The following AGR3 variants were observed in gnomAD, a reference collection of about 807,000 sequenced individuals.
AGR3 encodes anterior gradient 3, protein disulphide isomerase family member.
Under a neutral mutation model 24.5 loss-of-function variants are expected in AGR3, and 37 were observed. That is an observed-to-expected ratio of 1.51 (90% CI 1.16 to 1.99). The LOEUF is 1.99. Among genes scored for constraint, AGR3 ranks in the 30% most tolerant of loss-of-function variants. The probability of loss-of-function intolerance (pLI) is 0.00; values close to 1 mark genes in which losing one functional copy is unlikely to be tolerated. For missense variants in AGR3, 228 were observed against 191.1 expected (o/e 1.19, Z -1.14); for synonymous variants, 75 against 61.6 (o/e 1.22, Z -1.02).
chr7:16,871,443 A>T (rs1040112261), intron 3 of AGR3, among the ~76,000 whole-genome samples: 26 of 152,210 alleles, frequency 1.7e-4, no homozygotes, highest in African/African-American at 6.3e-4. Flanking sequence ...GTTAAAATTA[A>T]CGGAGAGTGG....
intron 3 of AGR3, among the ~76,000 whole-genome samples, chr7:16,867,533 T>C (rs904083310): frequency 6.6e-6 from 1 of 152,208 alleles, no homozygotes; most frequent in Non-Finnish European, 1.5e-5. Flanking sequence ...TAAAATTTAC[T>C]GTCAGCAATT....
downstream of AGR3, among the ~76,000 whole-genome samples, chr7:16,855,292 T>C (rs1583830928): frequency 6.6e-6 from 1 of 152,194 alleles, no homozygotes; most frequent in African/African-American, 2.4e-5. Context: ...GACTTCAACC[T>C]ATAATTTTTT....
intron 2 of AGR3, among the ~76,000 whole-genome samples, chr7:16,878,268 A>G (rs759671909): frequency 2.4e-4 from 36 of 152,198 alleles, no homozygotes; most frequent in Non-Finnish European, 4.3e-4. Flanking sequence ...CAGCGAGCCA[A>G]TTCTCCATTA....
chr7:16,873,833 A>G lies in AGR3; in HGVS notation c.120T>C (p.Asp40=), dbSNP rs55900499. ...PPQTLSRGWG[D]DITWVQTYEE... ...CATAAGTTTGTACCCAAGTGATGTC[A>G]TCTCCCCATCCTGAAATAGAAGAGA... The change falls in exon 3 of 8, where the codon GAT becomes GAC. Residue 40 remains aspartate, a synonymous_variant. Coordinates refer to ENST00000310398, the MANE Select transcript of AGR3 (RefSeq NM_176813.5). 12,151 of 1,612,562 alleles carry G rather than the reference A, an allele frequency of 7.5e-3. 797 individuals are homozygous for G. In the African/African-American group the frequency reaches 0.14, roughly 19 times the overall value.
intron 1 of AGR3, among the ~76,000 whole-genome samples, chr7:16,880,772 G>A (rs1782104337): frequency 6.6e-6 from 1 of 152,042 alleles, no homozygotes; most frequent in African/African-American, 2.4e-5. Flanking sequence ...CAAATACAGG[G>A]TGGATTTTAG....
At chr7:16,878,860 C>A (rs964406208) in intron 1 of AGR3, among the ~76,000 whole-genome samples, 7 of 152,132 alleles carry the variant, frequency 4.6e-5, no homozygotes, top group African/African-American at 1.7e-4. Flanking sequence ...AAGTCATGTT[C>A]TGAGCCTCCT....
At chr7:16,860,439 C>T (rs915397505) in intron 7 of AGR3, 61 bp downstream of exon 7, 1 of 1,250,774 alleles carries the variant, frequency 8.0e-7, no homozygotes, top group Non-Finnish European at 1.2e-6. Context: ...CTTCACTAGC[C>T]CTTAACAAAT....
At chr7:16,862,937 G>A (rs1001000345) in intron 3 of AGR3, among the ~76,000 whole-genome samples, 7 of 152,222 alleles carry the variant, frequency 4.6e-5, no homozygotes, top group Non-Finnish European at 7.3e-5. Flanking sequence ...TGGGCACAGT[G>A]GTGTGAGCCT....
downstream of AGR3, among the ~76,000 whole-genome samples, chr7:16,858,312 T>G (rs770413773): frequency 6.6e-6 from 1 of 152,096 alleles, no homozygotes; most frequent in African/African-American, 2.4e-5. Context: ...ATTTTCTACC[T>G]TCTGATAATT....
intron 3 of AGR3, chr7:16,865,324 A>C: frequency 8.4e-7 from 1 of 1,186,720 alleles, no homozygotes; most frequent in South Asian, 1.3e-5. Context: ...TCACCAGAAC[A>C]TCCTTGACAG....
chr7:16,878,495 A>G lies in AGR3; in HGVS notation c.109+15T>C, dbSNP rs1463498528. On this transcript the variant is annotated intron_variant, in intron 2 of 7. Transcript: ENST00000310398. ...CAAATGACTGAGTTTAGAAAATAAA[A>G]TGAGATTACAGCACCTCTTGAGAGT... The G allele has an allele frequency of 1.9e-6, 3 of 1,601,050 alleles. No individual in the cohort carries two copies. The highest frequency in any genetic ancestry group is 1.7e-5 in the Admixed American group (1 of 59,728).
At chr7:16,856,616 G>C (rs1190586803), downstream of AGR3, among the ~76,000 whole-genome samples, 3 of 152,078 alleles carry the variant, frequency 2.0e-5, no homozygotes, top group Non-Finnish European at 1.5e-5. Flanking sequence ...TTTTTTGACT[G>C]TTATCTCTTT....
downstream of AGR3, among the ~76,000 whole-genome samples, chr7:16,856,280 A>G (rs1015150455): frequency 6.6e-6 from 1 of 152,214 alleles, no homozygotes; most frequent in Admixed American, 6.5e-5. Context: ...TTTTATTTTG[A>G]TCTCAGAAAT....
chr7:16,864,474 G>C (rs1781711181), intron 3 of AGR3: 1 of 1,272,120 alleles, frequency 7.9e-7, no homozygotes, highest in Non-Finnish European at 1.2e-6. Context: ...CATCTCCACT[G>C]TCAGGGTCGA....
chr7:16,870,271 T>C (rs1781839683), intron 3 of AGR3, among the ~76,000 whole-genome samples: 1 of 152,096 alleles, frequency 6.6e-6, no homozygotes, highest in Non-Finnish European at 1.5e-5. Context: ...TCTCATCTAA[T>C]TCAACAGAAT....
rs1782117167 is a variant in AGR3 at position 16,881,564 on chromosome 7, G to A, written c.-28+380C>T. On this transcript the variant is annotated intron_variant, in intron 1 of 7. Coordinates refer to ENST00000310398, the MANE Select transcript of AGR3 (RefSeq NM_176813.5). ...CAGCAATTAGATTGTATAAACATTGGTCAATTAGCATTTTATGACATTAGT... is the reference window on the plus strand; with the variant it reads ...CAGCAATTAGATTGTATAAACATTGATCAATTAGCATTTTATGACATTAGT... Among the ~76,000 whole-genome samples, 5 of 152,116 alleles carry A rather than the reference G, an allele frequency of 3.3e-5. No individual in the cohort carries two copies. The South Asian group carries it at 1.0e-3, about 31-fold the overall frequency.
intron 1 of AGR3, among the ~76,000 whole-genome samples, chr7:16,881,066 T>C (rs960642211): frequency 6.6e-6 from 1 of 152,128 alleles, no homozygotes; most frequent in Non-Finnish European, 1.5e-5. Flanking sequence ...TAAAGAAGAG[T>C]TAAGAAAAGT....
intron 3 of AGR3, among the ~76,000 whole-genome samples, chr7:16,869,087 A>G (rs117942360): frequency 0.017 from 2,623 of 152,266 alleles, 55 homozygotes; most frequent in South Asian, 0.04. Context: ...TTCAAGTCCA[A>G]TGTTTCCTTA....
intron 3 of AGR3, among the ~76,000 whole-genome samples, chr7:16,871,654 C>G (rs922939743): frequency 2.0e-5 from 3 of 152,104 alleles, no homozygotes; most frequent in African/African-American, 7.2e-5. Flanking sequence ...ACCAGCCTGG[C>G]CAACATGGTG....
Sources: allele counts gnomAD v4.1 joint callset (sites outside exome capture counted in the v4.1 genomes callset), GRCh38; gene constraint gnomAD v4.1.1; transcripts MANE v1.5; gene names NCBI Gene and HGNC (gene_info 2026-07-23, HGNC 2026-07-21).